KIRREL1: variants seen among roughly 807,000 people sequenced by gnomAD.
KIRREL1 encodes kirre like nephrin family adhesion molecule 1.
In KIRREL1, 25 loss-of-function variants were observed where a neutral mutation model predicts 83.3. The ratio of observed to expected loss-of-function variants is 0.30; its 90% confidence interval spans 0.22 to 0.42. The LOEUF (loss-of-function observed/expected upper bound fraction) is 0.42. Among genes scored for constraint, KIRREL1 ranks in the 10% least tolerant of loss-of-function variants. The pLI is 1.00. For synonymous variants in KIRREL1, 388 were observed against 410.4 expected, an observed-to-expected ratio of 0.95 and a Z score of 0.66; for missense variants, 812 against 1,032.3, an observed-to-expected ratio of 0.79 and a Z score of 2.92.
chr1:158,042,026 C>A (rs1354262100), intron 1 of KIRREL1, among the ~76,000 whole-genome samples: 2 of 152,134 alleles, frequency 1.3e-5, no homozygotes, highest in South Asian at 2.1e-4. Context: ...TGCTACATTG[C>A]CTGAGCACTT....
rs752436479 is a variant in KIRREL1 at position 158,094,686 on chromosome 1, C to T, written c.1840C>T (p.Arg614Cys). The T allele has an allele frequency of 7.5e-6, 12 of 1,609,694 alleles. No individual in the cohort carries two copies. The South Asian group carries it at 7.7e-5, about 10-fold the overall frequency. The part of the protein sequence containing the change: ...GYYNVRAHED[R>C]PSSRAVLYAD... ...CTACAACGTGCGTGCCCATGAAGAC[C>T]GCCCGTCTTCCAGGGCAGTGCTCTA... is the stretch of plus-strand genomic sequence containing the variant. Residue 614 changes from arginine to cysteine, a missense_variant, in exon 15 of 15, where the codon CGC becomes TGC. Physicochemically the swap from Arg to Cys is radical, Grantham distance 180 (BLOSUM62 -3). Transcript: ENST00000359209. This position sits in a 1 kb window ranked among gnomAD's most constrained non-coding sequence, Gnocchi z 4.6.
chr1:158,021,429 C>T (rs1660001538), intron 1 of KIRREL1, among the ~76,000 whole-genome samples: 1 of 152,152 alleles, frequency 6.6e-6, no homozygotes, highest in African/African-American at 2.4e-5. Flanking sequence ...TTACCCTCAT[C>T]TTAGTTTCAT....
chr1:158,086,545 G>A (rs1219890350), intron 4 of KIRREL1, 51 bp from the exon 5 acceptor site: 22 of 1,538,688 alleles, frequency 1.4e-5, no homozygotes, highest in Admixed American at 2.0e-5. Flanking sequence ...CTTAAGAGCA[G>A]AGGAGGGGGC....
intron 1 of KIRREL1, among the ~76,000 whole-genome samples, chr1:158,028,096 T>C (rs1660222212): frequency 6.6e-6 from 1 of 152,170 alleles, no homozygotes; most frequent in African/African-American, 2.4e-5. Flanking sequence ...TGAGGTAGGG[T>C]CTGCTCATTC....
Position 158,034,288 on chromosome 1 carries a change from A to G in KIRREL1, c.52+40560A>G, listed in dbSNP as rs886973222. On this transcript the variant is annotated intron_variant, in intron 1 of 14. Transcript: ENST00000359209. ...CCGTCTCAAAAAAAAAAAAAAAAAG[A>G]AAAAAAGAAAATGAAATTTTTCTTT... 3.7e-3 allele frequency among the ~76,000 whole-genome samples: 454 copies of G among 121,442 alleles called. 2 individuals are homozygous for G. Among genetic ancestry groups the G allele is most frequent in the Non-Finnish European group, 4.8e-3 (274 of 57,438 alleles). 79.7% of individuals were successfully genotyped at this position (121,442 alleles called of 152,430 possible).
chr1:158,029,198 C>T lies in KIRREL1; in HGVS notation c.52+35470C>T, dbSNP rs528987262. 6.0e-3 allele frequency among the ~76,000 whole-genome samples: 243 copies of T among 40,204 alleles called. 3 individuals carry two copies. The highest frequency in any genetic ancestry group is 0.029 in the Middle Eastern group (2 of 68). The allele number at this position is 40,204 out of a possible 152,430, so 26.4% of individuals were successfully genotyped here. A position where few individuals can be genotyped will look rare whatever the true frequency, so the allele number is the denominator to read the frequency against. ...AAAGTATTTACAAGACTGTGCAAGG[C>T]AAGGGTAAGCGCATTCAGGCATAAG... On this transcript the variant is annotated intron_variant, in intron 1 of 14. Coordinates refer to ENST00000359209, the MANE Select transcript of KIRREL1 (RefSeq NM_018240.7).
At chr1:158,086,441 C>CACAT (rs1256036990) in intron 4 of KIRREL1, among the ~76,000 whole-genome samples, 155 bp from the exon 5 acceptor site, 1 of 151,770 alleles carries the variant, frequency 6.6e-6, no homozygotes, top group African/African-American at 2.4e-5. Flanking sequence ...CACACACACA[C>CACAT]ACACACACAA....
chr1:158,016,022 C>T (rs1659814788), intron 1 of KIRREL1, among the ~76,000 whole-genome samples: 1 of 152,104 alleles, frequency 6.6e-6, no homozygotes, highest in Non-Finnish European at 1.5e-5. Flanking sequence ...ATTAAGAAAG[C>T]AGGCTGGGTG....
intron 1 of KIRREL1, among the ~76,000 whole-genome samples, chr1:158,037,817 A>G (rs1660517982): frequency 6.6e-6 from 1 of 152,188 alleles, no homozygotes; most frequent in African/African-American, 2.4e-5. Flanking sequence ...TGTCCTAGGA[A>G]CATGGTCTTT....
chr1:158,029,419 A>G (rs1660264072), intron 1 of KIRREL1, among the ~76,000 whole-genome samples: 1 of 149,562 alleles, frequency 6.7e-6, no homozygotes, highest in Non-Finnish European at 1.5e-5. Flanking sequence ...GCACGTATGT[A>G]TAATGCACAT....
chr1:158,093,175 A>G (rs566934346), intron 11 of KIRREL1, among the ~76,000 whole-genome samples, 164 bp from the exon 12 acceptor site: 15 of 152,156 alleles, frequency 9.9e-5, no homozygotes, highest in African/African-American at 2.4e-4. Context: ...CTCTAATCCA[A>G]CCTTGACTTA....
Position 158,093,672 on chromosome 1 carries a change from G to A in KIRREL1, c.1629G>A (p.Val543=). 3.1e-6 allele frequency: 5 copies of A among 1,614,194 alleles called. No individual in the cohort carries two copies. Among genetic ancestry groups the A allele is most frequent in the Non-Finnish European group, 3.4e-6 (4 of 1,180,040 alleles). Reference sequence around the variant, plus strand: ...AGCTGGATATCAAGGTGGAGACAGTGAACCGAGAGCCACTTACGATGCATT... The same window carrying A: ...AGCTGGATATCAAGGTGGAGACAGTAAACCGAGAGCCACTTACGATGCATT... The part of the protein sequence containing the change: ...LRKLDIKVET[V]NREPLTMHSD... Residue 543 remains valine (V), a synonymous_variant, in exon 13 of 15, where the codon GTG becomes GTA. Transcript: ENST00000359209.
At chr1:158,007,217 T>C (rs1239042571) in intron 1 of KIRREL1, among the ~76,000 whole-genome samples, 3 of 152,158 alleles carry the variant, frequency 2.0e-5, no homozygotes, top group African/African-American at 7.2e-5. Context: ...ATCATTTAAA[T>C]AAGGGAAGAT....
rs949717918 is a variant in KIRREL1 at position 158,095,963 on chromosome 1, C to G, written c.*843C>G. On this transcript the variant is annotated 3_prime_UTR_variant, in exon 15 of 15. Coordinates refer to ENST00000359209, the MANE Select transcript of KIRREL1 (RefSeq NM_018240.7). Reference sequence around the variant, plus strand: ...AGGGAGCCACACAAGCCTCCTCTCCCCAGTCTGCCCCACTTCCTGGCTTTA... The same window carrying G: ...AGGGAGCCACACAAGCCTCCTCTCCGCAGTCTGCCCCACTTCCTGGCTTTA... The G allele has an allele frequency of 6.4e-6, 1 of 155,738 alleles. No individual in the cohort carries two copies. 9.6% of individuals were successfully genotyped at this position (155,738 alleles called of 1,614,324 possible).
At chr1:158,007,144 C>G (rs2101629916) in intron 1 of KIRREL1, among the ~76,000 whole-genome samples, 1 of 152,290 alleles carries the variant, frequency 6.6e-6, no homozygotes, top group Non-Finnish European at 1.5e-5. Context: ...CTGTTACCAG[C>G]TAGCTAACTA....
At position 158,094,903 on chromosome 1, in the gene KIRREL1, A is replaced by T; in HGVS notation, c.2057A>T (p.Asn686Ile). The change falls in exon 15 of 15, where the codon AAC (asparagine) becomes ATC (isoleucine). Residue 686 changes from asparagine (N) to isoleucine (I), a missense_variant. Physicochemically the swap from Asn to Ile is moderately radical, Grantham distance 149 (BLOSUM62 -3). Coordinates refer to ENST00000359209, the MANE Select transcript of KIRREL1 (RefSeq NM_018240.7). The surrounding 1 kb of genome is among the most constrained non-coding windows in gnomAD (Gnocchi z 4.6). ...TDTTSQLSYE[N>I]YEKFNSHPFP... The stretch of plus-strand genomic sequence containing the variant: ...ACAACCAGCCAGCTGTCCTACGAGA[A>T]CTATGAGAAGTTCAACTCCCATCCC... 3 of 1,614,052 alleles carry T rather than the reference A, an allele frequency of 1.9e-6. No individual in the cohort carries two copies. The highest frequency in any genetic ancestry group is 2.5e-6 in the Non-Finnish European group (3 of 1,179,982).
chr1:158,007,461 G>A (rs1446191610), intron 1 of KIRREL1, among the ~76,000 whole-genome samples: 1 of 152,126 alleles, frequency 6.6e-6, no homozygotes, highest in Non-Finnish European at 1.5e-5. Context: ...GGGCTGGAGG[G>A]TCTGGAGGCT....
rs1357648979 is a variant in KIRREL1, at chr1:158,017,760, T to TG, written c.52+24033dup. ...TAGTTTCTTTTTTTTTCTATTTTTCTGTTTTTTTTAAACCTCTTTCCTAAT... is the reference window on the plus strand; with the variant it reads ...TAGTTTCTTTTTTTTTCTATTTTTCTGGTTTTTTTTAAACCTCTTTCCTAAT... On this transcript the variant is annotated intron_variant, in intron 1 of 14. Coordinates refer to ENST00000359209, the MANE Select transcript of KIRREL1 (RefSeq NM_018240.7). Among the ~76,000 whole-genome samples, 7 of 11,098 alleles carry TG rather than the reference T, an allele frequency of 6.3e-4. No homozygotes were observed. In the Non-Finnish European group the frequency reaches 0.018, roughly 28 times the overall value. 7.3% of individuals were successfully genotyped at this position (11,098 alleles called of 152,430 possible). A position where few individuals can be genotyped will look rare whatever the true frequency, so the allele number is the denominator to read the frequency against.
chr1:158,003,807 A>C (rs4060832), intron 1 of KIRREL1, among the ~76,000 whole-genome samples: 35,099 of 152,076 alleles, frequency 0.23, 4,419 homozygotes, highest in East Asian at 0.35. Flanking sequence ...CTTTGAAAAA[A>C]AAAAAAAATC....
Sources: gnomAD v4.1 joint callset for allele counts (sites outside exome capture counted in the v4.1 genomes callset) on GRCh38, gnomAD v4.1.1 for gene constraint, Gnocchi (gnomAD v3.1) non-coding constraint, MANE v1.5 for transcripts, NCBI Gene and HGNC (gene_info 2026-07-23, HGNC 2026-07-21) for gene names.